MAST2: variants seen among roughly 807,000 people sequenced by gnomAD.
MAST2 encodes microtubule associated serine/threonine kinase 2.
MAST2 carries 70 observed loss-of-function variants against 147.4 expected under a neutral mutation model. That is an observed-to-expected ratio of 0.47 (90% CI 0.39 to 0.58). The LOEUF (loss-of-function observed/expected upper bound fraction) is 0.58, where lower values mean the gene tolerates loss of function less well. Ranked by LOEUF, MAST2 falls within the 20% of genes least tolerant of loss-of-function variation. MAST2 has a pLI of 0.00. For missense variants in MAST2, 2,080 were observed against 2,302.3 expected (o/e 0.90, Z 1.98); for synonymous variants, 869 against 896.8 (o/e 0.97, Z 0.55).
intron 4 of MAST2, among the ~76,000 whole-genome samples, chr1:45,921,541 G>A (rs1004698439): frequency 1.3e-5 from 2 of 152,172 alleles, no homozygotes; most frequent in African/African-American, 4.8e-5. Context: ...GCCACTGCAC[G>A]CAGTCAGGCA....
chr1:46,015,994 AT>A (rs1304389593), intron 10 of MAST2, among the ~76,000 whole-genome samples: 1 of 152,226 alleles, frequency 6.6e-6, no homozygotes, highest in African/African-American at 2.4e-5. Context: ...AGTGGGCTTC[AT>A]CCCTGGGATG....
chr1:45,897,228 T>A (rs1454751306), intron 4 of MAST2, among the ~76,000 whole-genome samples: 1 of 152,102 alleles, frequency 6.6e-6, no homozygotes, highest in African/African-American at 2.4e-5. Context: ...CCACTCCCAT[T>A]CAGATAGGGT....
rs1165736603 is a variant in MAST2 at position 45,931,273 on chromosome 1, T to TGATAG, written c.501-28109_501-28105dup. 2.6e-5 allele frequency among the ~76,000 whole-genome samples: 4 copies of TGATAG among 152,280 alleles called. No homozygotes were observed. In the East Asian group the frequency reaches 7.7e-4, roughly 29 times the overall value. ...TTTGAAGATTACAGACCAGTTTATT[T>TGATAG]GATAGGATGTCCTTTAATTTGAATT... On this transcript the variant is annotated intron_variant, in intron 4 of 28. Transcript: ENST00000361297.
At chr1:45,958,188 A>G (rs1435100287) in intron 4 of MAST2, among the ~76,000 whole-genome samples, 1 of 152,042 alleles carries the variant, frequency 6.6e-6, no homozygotes, top group African/African-American at 2.4e-5. Flanking sequence ...ATCATTTCTA[A>G]TGATAATCTC....
Position 46,028,890 on chromosome 1 carries a change from T to G in MAST2, c.2175T>G (p.Phe725Leu). ...AGTTCCTGGTGGGCTGCGTCCCTTT[T>G]TTTGGAGATACTCCGGAGGAGCTCT... ...LYEFLVGCVP[F>L]FGDTPEELFG... Residue 725 changes from phenylalanine to leucine, a missense_variant, in exon 18 of 29, where the codon TTT becomes TTG. Transcript: ENST00000361297. 1.9e-6 allele frequency: 3 copies of G among 1,611,944 alleles called. No individual in the cohort carries two copies. Among genetic ancestry groups the G allele is most frequent in the Non-Finnish European group, 2.5e-6 (3 of 1,179,130 alleles).
intron 1 of MAST2, among the ~76,000 whole-genome samples, chr1:45,816,657 T>C (rs1644464083): frequency 6.6e-6 from 1 of 152,166 alleles, no homozygotes; most frequent in African/African-American, 2.4e-5. Context: ...ATAGCAGAAC[T>C]GATTAAGCAG....
chr1:45,911,897 ATTATG>A (rs1385903795), intron 4 of MAST2, among the ~76,000 whole-genome samples: 58 of 130,676 alleles, frequency 4.4e-4, no homozygotes, highest in Non-Finnish European at 8.0e-4. Flanking sequence ...TATTATTATT[ATTATG>A]TAGCCTGGTC....
chr1:45,901,485 CTCT>C (rs1649756132), intron 4 of MAST2, among the ~76,000 whole-genome samples: 1 of 152,068 alleles, frequency 6.6e-6, no homozygotes, highest in African/African-American at 2.4e-5. Flanking sequence ...ACTATGTGGG[CTCT>C]TCTTTGGTTC....
At chr1:45,963,911 A>C (rs532485217) in intron 5 of MAST2, among the ~76,000 whole-genome samples, 1 of 152,112 alleles carries the variant, frequency 6.6e-6, no homozygotes, top group African/African-American at 2.4e-5. Flanking sequence ...ATTTATTGAG[A>C]GTTTTTAGCA....
intron 4 of MAST2, among the ~76,000 whole-genome samples, chr1:45,933,245 G>C (rs1310650734): frequency 2.7e-5 from 3 of 113,092 alleles, no homozygotes; most frequent in Non-Finnish European, 5.6e-5. Flanking sequence ...AAGCGGGGGG[G>C]TTGGGGGGGG....
At chr1:45,994,840 A>ATT (rs771828003) in intron 5 of MAST2, among the ~76,000 whole-genome samples, 6 of 139,332 alleles carry the variant, frequency 4.3e-5, no homozygotes, top group South Asian at 2.3e-4. Flanking sequence ...ATCTTCCATA[A>ATT]TTTTTTTTTT....
chr1:45,842,875 C>T (rs1465223959), intron 3 of MAST2, among the ~76,000 whole-genome samples: 1 of 149,380 alleles, frequency 6.7e-6, no homozygotes, highest in Non-Finnish European at 1.5e-5. Context: ...TCTGTAATAG[C>T]TTACCATTTT....
intron 4 of MAST2, among the ~76,000 whole-genome samples, chr1:45,887,211 A>C (rs1647134322): frequency 6.6e-6 from 1 of 152,238 alleles, no homozygotes; most frequent in Non-Finnish European, 1.5e-5. Context: ...TTATGTCTCC[A>C]GTTACCCTGA....
intron 11 of MAST2, among the ~76,000 whole-genome samples, chr1:46,020,618 A>T (rs1418463829): frequency 6.6e-6 from 1 of 152,216 alleles, no homozygotes. Context: ...ACACTTGTAG[A>T]ATCGTGGCCA....
intron 4 of MAST2, among the ~76,000 whole-genome samples, chr1:45,894,962 A>C (rs1648491656): frequency 1.3e-5 from 2 of 152,190 alleles, no homozygotes; most frequent in South Asian, 4.1e-4. Flanking sequence ...CCTTCATTTT[A>C]TGAATTTTGG....
At chr1:45,821,776 C>T (rs190021855) in intron 1 of MAST2, among the ~76,000 whole-genome samples, 5 of 151,608 alleles carry the variant, frequency 3.3e-5, no homozygotes, top group African/African-American at 7.3e-5. Flanking sequence ...CTTGGCCTCT[C>T]AAAGTGCTGG....
intron 4 of MAST2, among the ~76,000 whole-genome samples, chr1:45,901,514 A>T (rs1465339940): frequency 6.6e-6 from 1 of 152,148 alleles, no homozygotes; most frequent in South Asian, 2.1e-4. Context: ...GAATTTTGGA[A>T]TGGTTTTTTC....
intron 4 of MAST2, among the ~76,000 whole-genome samples, chr1:45,940,571 CAGAGT>C (rs1657093051): frequency 6.6e-6 from 1 of 150,658 alleles, no homozygotes; most frequent in Admixed American, 6.6e-5. Context: ...GGCATACAAA[CAGAGT>C]AGAGTAGTCT....
chr1:46,015,962 A>G (rs1250223636), intron 10 of MAST2, among the ~76,000 whole-genome samples: 1 of 152,330 alleles, frequency 6.6e-6, no homozygotes, highest in South Asian at 2.1e-4. Context: ...TAGTACATCA[A>G]AAAGCTTATC....
Sources: allele counts gnomAD v4.1 joint callset (sites outside exome capture counted in the v4.1 genomes callset), GRCh38; gene constraint gnomAD v4.1.1; transcripts MANE v1.5; gene names NCBI Gene and HGNC (gene_info 2026-07-23, HGNC 2026-07-21).